Variants in CRPPA observed in about 807,000 individuals in gnomAD.
CRPPA encodes the protein D-ribitol-5-phosphate cytidylyltransferase.
In CRPPA, 43 loss-of-function variants were observed where a neutral mutation model predicts 52.0. The ratio of observed to expected loss-of-function variants is 0.83; its 90% CI spans 0.65 to 1.07. The LOEUF is 1.07. Ranked by LOEUF, CRPPA falls within the 50% of genes least tolerant of loss-of-function variation. The probability of loss-of-function intolerance (pLI) is 0.00; values close to 1 mark genes in which losing one functional copy is unlikely to be tolerated. For synonymous variants in CRPPA, 250 were observed against 203.5 expected (o/e 1.23, Z -1.94); for missense variants, 629 against 551.7 (o/e 1.14, Z -1.40).
intron 9 of CRPPA, among the ~76,000 whole-genome samples, chr7:16,163,288 G>T (rs1165278954): frequency 6.6e-6 from 1 of 151,378 alleles, no homozygotes; most frequent in East Asian, 1.9e-4. Flanking sequence ...TGTCTTTTTT[G>T]ATCTTTGTTG....
At chr7:16,110,537 G>A (rs59510115) in intron 9 of CRPPA, among the ~76,000 whole-genome samples, 5,301 of 152,120 alleles carry the variant, frequency 0.035, 272 homozygotes, top group East Asian at 0.26. Flanking sequence ...CAGAGCTATA[G>A]TAATCAAAAC....
intron 1 of CRPPA, among the ~76,000 whole-genome samples, chr7:16,411,087 G>C (rs1788067787): frequency 6.6e-6 from 1 of 152,168 alleles, no homozygotes; most frequent in Non-Finnish European, 1.5e-5. Flanking sequence ...TAACATAGTA[G>C]AAATAACACC....
intron 3 of CRPPA, among the ~76,000 whole-genome samples, chr7:16,337,921 G>A (rs190122078): frequency 1.3e-5 from 2 of 152,174 alleles, no homozygotes; most frequent in East Asian, 3.9e-4. Flanking sequence ...TACATTTAGA[G>A]GAAAACTAAT....
chr7:16,260,853 A>T (rs892162206), intron 6 of CRPPA, among the ~76,000 whole-genome samples: 1 of 152,134 alleles, frequency 6.6e-6, no homozygotes, highest in Non-Finnish European at 1.5e-5. Flanking sequence ...ATCTTTGAGG[A>T]CAGAAACATT....
intron 9 of CRPPA, among the ~76,000 whole-genome samples, chr7:16,198,744 G>T (rs1406628852): frequency 6.7e-6 from 1 of 149,744 alleles, no homozygotes; most frequent in African/African-American, 2.5e-5. Flanking sequence ...TTTAAGAAAC[G>T]GTTTCATCAT....
chr7:16,400,721 C>T (rs771897890), intron 2 of CRPPA, among the ~76,000 whole-genome samples: 1 of 152,182 alleles, frequency 6.6e-6, no homozygotes, highest in Non-Finnish European at 1.5e-5. Flanking sequence ...ACGTTTGTGA[C>T]ACGTGACCAA....
At chr7:16,286,073 ATATATAT>A (rs1784435997) in intron 5 of CRPPA, among the ~76,000 whole-genome samples, 2 of 33,864 alleles carry the variant, frequency 5.9e-5, no homozygotes, top group Admixed American at 4.0e-4. Flanking sequence ...ATATATATAT[ATATATAT>A]AATATTTAAA....
At chr7:16,195,663 C>G (rs541625146) in intron 9 of CRPPA, among the ~76,000 whole-genome samples, 28 of 152,128 alleles carry the variant, frequency 1.8e-4, no homozygotes, top group Admixed American at 6.5e-4. Context: ...GCTGCTCCAT[C>G]AAAAAAAGCT....
At position 16,406,355 on chromosome 7, in the gene CRPPA, G is replaced by A. The variant is rs754625901; in HGVS notation, c.258-18C>T. The A allele has an allele frequency of 7.5e-6, 12 of 1,592,028 alleles. No individual in the cohort carries two copies. The South Asian group carries it at 1.2e-4, about 16-fold the overall frequency. ...AACATACTCTAAAAGGAAAGTATAT[G>A]TACAATTCGTAAATTAATTCTTAGA... On this transcript the variant is annotated intron_variant, in intron 1 of 9. Coordinates refer to ENST00000407010, the MANE Select transcript of CRPPA (RefSeq NM_001101426.4).
chr7:16,111,278 A>C (rs1365280320), intron 9 of CRPPA, among the ~76,000 whole-genome samples: 2 of 152,150 alleles, frequency 1.3e-5, no homozygotes, highest in African/African-American at 4.8e-5. Flanking sequence ...ATAAAAGATA[A>C]GAAATGTTGG....
At chr7:16,180,225 G>A (rs1452904688) in intron 9 of CRPPA, among the ~76,000 whole-genome samples, 1 of 152,002 alleles carries the variant, frequency 6.6e-6, no homozygotes, top group Non-Finnish European at 1.5e-5. Context: ...TGATTTAATT[G>A]GTTTGTGGTG....
At chr7:16,238,307 A>G (rs1291156737) in intron 8 of CRPPA, among the ~76,000 whole-genome samples, 2 of 152,190 alleles carry the variant, frequency 1.3e-5, no homozygotes, top group Non-Finnish European at 2.9e-5. Flanking sequence ...ATACTATGTG[A>G]ATCCATATTA....
chr7:16,198,598 A>G (rs1423793245), intron 9 of CRPPA, among the ~76,000 whole-genome samples: 3 of 142,270 alleles, frequency 2.1e-5, no homozygotes, highest in African/African-American at 2.7e-5. Context: ...TTCTTTCTCT[A>G]TACTTTGTCT....
At chr7:16,291,199 G>C (rs1029808963) in intron 5 of CRPPA, among the ~76,000 whole-genome samples, 3 of 151,830 alleles carry the variant, frequency 2.0e-5, no homozygotes, top group Non-Finnish European at 4.4e-5. Context: ...ATTAGTACAA[G>C]ACCTCTATGA....
intron 5 of CRPPA, among the ~76,000 whole-genome samples, chr7:16,288,957 C>A (rs561395330): frequency 2.0e-5 from 3 of 146,778 alleles, no homozygotes; most frequent in Admixed American, 2.0e-4. Flanking sequence ...AAATAATAAT[C>A]ATCATCAATA....
chr7:16,339,328 T>C (rs967488343), intron 3 of CRPPA, among the ~76,000 whole-genome samples: 2 of 152,116 alleles, frequency 1.3e-5, no homozygotes, highest in Non-Finnish European at 2.9e-5. Context: ...ATCTACTGTA[T>C]AAGAAGTACT....
intron 3 of CRPPA, among the ~76,000 whole-genome samples, chr7:16,369,901 G>A (rs1364573838): frequency 3.3e-5 from 5 of 152,226 alleles, no homozygotes; most frequent in Non-Finnish European, 7.3e-5. Flanking sequence ...TCCAGAATGT[G>A]AGAGGGGGAA....
chr7:16,308,494 G>T (rs1331110949), intron 4 of CRPPA, 29 bp downstream of exon 4: 6 of 1,255,256 alleles, frequency 4.8e-6, no homozygotes, highest in South Asian at 1.3e-5. Context: ...GCACAGAAAA[G>T]AACCCAAGCA....
chr7:16,290,310 T>C (rs939740222), intron 5 of CRPPA, among the ~76,000 whole-genome samples: 11 of 150,700 alleles, frequency 7.3e-5, no homozygotes, highest in African/African-American at 2.7e-4. Flanking sequence ...AATCCTGAAA[T>C]GTGTATGGAA....
Sources: allele counts gnomAD v4.1 joint callset (sites outside exome capture counted in the v4.1 genomes callset), GRCh38; gene constraint gnomAD v4.1.1; transcripts MANE v1.5; gene names NCBI Gene and HGNC (gene_info 2026-07-23, HGNC 2026-07-21).